Variants in OR6P1 observed in about 807,000 individuals in gnomAD.
OR6P1 encodes olfactory receptor 6P1.
A neutral mutation model predicts 6.6 loss-of-function variants in OR6P1; 5 were observed. The ratio of observed to expected loss-of-function variants is 0.76; its 90% CI spans 0.40 to 1.60. The LOEUF is 1.60. Ranked by LOEUF, OR6P1 falls within the 40% of genes most tolerant of loss-of-function variation. The pLI, the probability that OR6P1 is intolerant of heterozygous loss-of-function variation, is 0.02. For missense variants in OR6P1, 451 were observed against 383.0 expected (o/e 1.18, Z -1.48); for synonymous variants, 177 against 149.6 (o/e 1.18, Z -1.33).
chr1:158,567,296 A>G (rs1648122057), intron 1 of OR6P1, among the ~76,000 whole-genome samples: 1 of 152,074 alleles, frequency 6.6e-6, no homozygotes, highest in African/African-American at 2.4e-5. Flanking sequence ...ATTACTGGGT[A>G]TATACCCAAA....
At chr1:158,567,562 C>A (rs1413539228) in intron 1 of OR6P1, among the ~76,000 whole-genome samples, 6 of 145,240 alleles carry the variant, frequency 4.1e-5, no homozygotes, top group Non-Finnish European at 7.5e-5. Flanking sequence ...CCAAACACCG[C>A]ATATTCTCAC....
chr1:158,567,910 G>A (rs766534503), intron 1 of OR6P1, among the ~76,000 whole-genome samples: 14 of 152,098 alleles, frequency 9.2e-5, no homozygotes, highest in Non-Finnish European at 1.8e-4. Context: ...CAGTGACTTA[G>A]ATTGTCTGCT....
Position 158,562,119 on chromosome 1 carries a change from G to C in OR6P1, c.*532C>G, listed in dbSNP as rs529618992. The C allele has an allele frequency of 6.5e-6, 1 of 153,848 alleles. No homozygotes were observed. The highest frequency in any genetic ancestry group is 6.5e-5 in the Admixed American group (1 of 15,318). 9.5% of individuals were successfully genotyped at this position (153,848 alleles called of 1,614,324 possible). A position where few individuals can be genotyped will look rare whatever the true frequency, so the allele number is the denominator to read the frequency against. On this transcript the variant is annotated 3_prime_UTR_variant, in exon 3 of 3. Transcript: ENST00000641540. ...TTGTAGATAAGATGATATGAAATTA[G>C]GTCTTGGGGTATAACCTACTTGTGT...
intron 2 of OR6P1, among the ~76,000 whole-genome samples, chr1:158,566,000 C>T (rs1461402508): frequency 1.3e-5 from 2 of 152,136 alleles, no homozygotes; most frequent in Non-Finnish European, 2.9e-5. Flanking sequence ...AGATTGCAAA[C>T]CACTGACCTG....
chr1:158,563,696 A>G, intron 2 of OR6P1, 70 bp from the exon 3 acceptor site: 2 of 770,536 alleles, frequency 2.6e-6, no homozygotes, highest in South Asian at 1.7e-5. Context: ...ATACTCTCAC[A>G]GGTTATAACC....
At chr1:158,568,876 C>T (rs1420324988) in intron 1 of OR6P1, among the ~76,000 whole-genome samples, 1 of 152,294 alleles carries the variant, frequency 6.6e-6, no homozygotes, top group East Asian at 1.9e-4. Flanking sequence ...TATGTACCTT[C>T]CTGGATTTGT....
intron 1 of OR6P1, among the ~76,000 whole-genome samples, chr1:158,570,119 C>T (rs192682844): frequency 1.3e-5 from 2 of 152,310 alleles, no homozygotes; most frequent in Non-Finnish European, 2.9e-5. Context: ...TGGCTTTCTG[C>T]TTTCTGGGTT....
At chr1:158,564,314 C>T (rs948377933) in intron 2 of OR6P1, among the ~76,000 whole-genome samples, 1 of 152,110 alleles carries the variant, frequency 6.6e-6, no homozygotes, top group Non-Finnish European at 1.5e-5. Flanking sequence ...GAAAGTTGTA[C>T]ATGTCTTAAT....
Position 158,562,610 on chromosome 1 carries a change from A to T in OR6P1, c.*41T>A. 8.6e-7 allele frequency: 1 copy of T among 1,166,770 alleles called. No individual in the cohort carries two copies. Among genetic ancestry groups the T allele is most frequent in the Non-Finnish European group, 1.3e-6 (1 of 797,716 alleles). 72.3% of individuals were successfully genotyped at this position (1,166,770 alleles called of 1,614,324 possible). A position where few individuals can be genotyped will look rare whatever the true frequency, so the allele number is the denominator to read the frequency against. On this transcript the variant is annotated 3_prime_UTR_variant, in exon 3 of 3. Coordinates refer to ENST00000641540, the MANE Select transcript of OR6P1 (RefSeq NM_001160325.2). ...TCTGATTCCTTGAGGAGGCCCTATT[A>T]AGATTCTGCTATTTTCACCTCTCCC...
At position 158,570,446 on chromosome 1, in the gene OR6P1, A is replaced by T. The variant is rs1648208632; in HGVS notation, c.-122T>A. 6.6e-6 allele frequency: 1 copy of T among 152,230 alleles called. No homozygotes were observed. Among genetic ancestry groups the T allele is most frequent in the African/African-American group, 2.4e-5 (1 of 41,456 alleles). 9.4% of individuals were successfully genotyped at this position (152,230 alleles called of 1,614,324 possible). ...AAGGATTTGAGGGTGTCTAACCTGA[A>T]TAAGAACAAAATTTGTCACAGAAGT... On this transcript the variant is annotated 5_prime_UTR_variant, in exon 1 of 3. Coordinates refer to ENST00000641540, the MANE Select transcript of OR6P1 (RefSeq NM_001160325.2).
rs768892384 is a variant in OR6P1, at chr1:158,568,804, AG to A, written c.-118+1637del. ...GCCTCTGTGAGGACTTTGTCCAAAAAGTCCTTCACACTCACAGCTGCTATTA... is the reference window on the plus strand; with the variant it reads ...GCCTCTGTGAGGACTTTGTCCAAAAATCCTTCACACTCACAGCTGCTATTA... On this transcript the variant is annotated intron_variant, in intron 1 of 2. Transcript: ENST00000641540. Among the ~76,000 whole-genome samples the A allele has an allele frequency of 6.5e-3, 987 of 152,174 alleles. 13 individuals carry two copies. Among genetic ancestry groups the A allele is most frequent in the African/African-American group, 0.023 (941 of 41,520 alleles).
intron 2 of OR6P1, among the ~76,000 whole-genome samples, chr1:158,564,066 T>C (rs1034504683): frequency 1.3e-5 from 2 of 152,166 alleles, no homozygotes; most frequent in African/African-American, 4.8e-5. Context: ...GGGGAAGTAA[T>C]AACTCAAGGA....
In OR6P1 at chr1:158,561,135, G is replaced by A. The variant is rs1296158357; in HGVS notation, c.*1516C>T. 1 of 152,142 alleles carries A rather than the reference G, an allele frequency of 6.6e-6. No homozygotes were observed. The highest frequency in any genetic ancestry group is 1.5e-5 in the Non-Finnish European group (1 of 68,002). The allele number at this position is 152,142 out of a possible 1,614,324, so 9.4% of individuals were successfully genotyped here. On this transcript the variant is annotated 3_prime_UTR_variant, in exon 3 of 3. Transcript: ENST00000641540. ...TTATCAAAGAGAAACTAAGAGCAGA[G>A]ATGTAAAGTTTCTTGCCTATGATCA... is the stretch of plus-strand genomic sequence containing the variant.
chr1:158,564,816 G>C (rs1648059007), intron 2 of OR6P1, among the ~76,000 whole-genome samples: 1 of 152,210 alleles, frequency 6.6e-6, no homozygotes, highest in Admixed American at 6.5e-5. Context: ...GCAGGAAAAT[G>C]AAAGAGGAAG....
At chr1:158,567,284 C>T (rs1648121678) in intron 1 of OR6P1, among the ~76,000 whole-genome samples, 1 of 151,982 alleles carries the variant, frequency 6.6e-6, no homozygotes, top group Non-Finnish European at 1.5e-5. Context: ...CCCAGCCATC[C>T]CATTACTGGG....
intron 1 of OR6P1, among the ~76,000 whole-genome samples, chr1:158,568,193 G>A (rs946484354): frequency 1.1e-4 from 16 of 152,136 alleles, no homozygotes; most frequent in African/African-American, 3.9e-4. Context: ...GTTTGAAGAG[G>A]CCCTCCTCGA....
chr1:158,569,928 T>C lies in OR6P1; in HGVS notation c.-118+514A>G, dbSNP rs1013487656. ...TTTACATAACAATAAAGGGTTTTTG[T>C]TTGTTTGTCTTCTCTGTGTATGGCA... On this transcript the variant is annotated intron_variant, in intron 1 of 2. Transcript: ENST00000641540. 2.6e-5 allele frequency among the ~76,000 whole-genome samples: 4 copies of C among 152,202 alleles called. No homozygotes were observed. In the South Asian group the frequency reaches 6.2e-4, roughly 24 times the overall value.
Position 158,563,574 on chromosome 1 carries a change from C to T in OR6P1, c.31G>A (p.Glu11Lys). 1.9e-6 allele frequency: 3 copies of T among 1,547,252 alleles called. No individual in the cohort carries two copies. The highest frequency in any genetic ancestry group is 2.6e-6 in the Non-Finnish European group (3 of 1,145,890). The change falls in exon 3 of 3, where the codon GAG becomes AAG. Residue 11 changes from glutamate (E) to lysine (K), a missense_variant. By Grantham distance (56) the Glu-to-Lys change is moderately conservative. Transcript: ENST00000641540. ...GTAGGGAAACCCACCAAGACAAACT[C>T]CTCGACATGGCCTCCACTCAAATTT... is the stretch of plus-strand genomic sequence containing the variant. The part of the protein sequence containing the change: MRNLSGGHVE[E>K]FVLVGFPTTP...
rs1571336923 is a variant in OR6P1, at chr1:158,562,519, A to G, written c.*132T>C. 1 of 620,542 alleles carries G rather than the reference A, an allele frequency of 1.6e-6. No individual in the cohort carries two copies. The highest frequency in any genetic ancestry group is 2.8e-5 in the East Asian group (1 of 36,114). The allele number at this position is 620,542 out of a possible 1,614,324, so 38.4% of individuals were successfully genotyped here. On this transcript the variant is annotated 3_prime_UTR_variant, in exon 3 of 3. Coordinates refer to ENST00000641540, the MANE Select transcript of OR6P1 (RefSeq NM_001160325.2). ...TGATTCATAAAGTTTCATTTGTATC[A>G]GAAGGTCCCAGACAATATTTAGAGA...
Sources: allele counts gnomAD v4.1 joint callset (sites outside exome capture counted in the v4.1 genomes callset), GRCh38; gene constraint gnomAD v4.1.1; transcripts MANE v1.5; gene names NCBI Gene and HGNC (gene_info 2026-07-23, HGNC 2026-07-21).